MYO16: variants seen among roughly 807,000 people sequenced by gnomAD.
MYO16 encodes the protein myosin XVI.
Under a neutral mutation model 205.3 loss-of-function variants are expected in MYO16, and 94 were observed. That is an observed-to-expected ratio of 0.46 (90% confidence interval 0.39 to 0.54). The LOEUF (loss-of-function observed/expected upper bound fraction) is 0.54. Ranked by LOEUF, MYO16 falls within the 20% of genes least tolerant of loss-of-function variation. MYO16 has a pLI of 0.00. For synonymous variants in MYO16, 988 were observed against 954.0 expected (o/e 1.04, Z -0.66); for missense variants, 2,315 against 2,387.5 (o/e 0.97, Z 0.63).
chr13:109,005,887 TCCCAA>T (rs1461800066), intron 21 of MYO16, among the ~76,000 whole-genome samples: 1 of 152,170 alleles, frequency 6.6e-6, no homozygotes. Context: ...ATTTCCATTC[TCCCAA>T]GTAACTGGAT....
chr13:109,148,709 T>C (rs951898409), intron 32 of MYO16, among the ~76,000 whole-genome samples: 1 of 152,096 alleles, frequency 6.6e-6, no homozygotes, highest in Non-Finnish European at 1.5e-5. Context: ...AAAATGTCAG[T>C]GACGTGGGAA....
intron 9 of MYO16, among the ~76,000 whole-genome samples, chr13:108,828,555 C>T (rs371406051): frequency 3.3e-5 from 5 of 152,104 alleles, no homozygotes; most frequent in Non-Finnish European, 7.4e-5. Context: ...AATAACAGTG[C>T]CTTTGTTACT....
rs905191116 is a variant in MYO16, at chr13:108,735,969, T to C, written c.507+8386T>C. ...TTGAGAAGTGTCTGTTCATGTCCTT[T>C]GCCCACTTTTTGATGGGGTTGTTTG... On this transcript the variant is annotated intron_variant, in intron 4 of 34. Coordinates refer to ENST00000457511, the MANE Select transcript of MYO16 (RefSeq NM_001198950.3). 1.5e-4 allele frequency among the ~76,000 whole-genome samples: 21 copies of C among 139,790 alleles called. 1 individual carries two copies. The highest frequency in any genetic ancestry group is 3.9e-4 in the Admixed American group (5 of 12,980). 91.7% of individuals were successfully genotyped at this position (139,790 alleles called of 152,430 possible). A position where few individuals can be genotyped will look rare whatever the true frequency, so the allele number is the denominator to read the frequency against.
chr13:109,085,430 G>A (rs1888409355), intron 27 of MYO16, among the ~76,000 whole-genome samples: 1 of 152,192 alleles, frequency 6.6e-6, no homozygotes, highest in Non-Finnish European at 1.5e-5. Flanking sequence ...GCCCAGGTCT[G>A]CAGGTAGGGA....
intron 17 of MYO16, among the ~76,000 whole-genome samples, chr13:108,959,710 T>G (rs1883508615): frequency 6.6e-6 from 1 of 152,178 alleles, no homozygotes; most frequent in African/African-American, 2.4e-5. Flanking sequence ...TTCGTAACAG[T>G]GCCTCCAGCT....
chr13:108,888,516 G>A (rs779450334), intron 14 of MYO16, 39 bp downstream of exon 14: 2 of 1,431,634 alleles, frequency 1.4e-6, no homozygotes, highest in Non-Finnish European at 1.9e-6. Context: ...TGTGAATGAA[G>A]ATGTTCAGCC....
intron 27 of MYO16, among the ~76,000 whole-genome samples, chr13:109,095,165 G>T (rs756222923): frequency 6.6e-6 from 1 of 152,200 alleles, no homozygotes; most frequent in Non-Finnish European, 1.5e-5. Context: ...GTCTGGAAAG[G>T]CTCATGTTTA....
chr13:108,859,130 C>T (rs1197813511), intron 11 of MYO16, among the ~76,000 whole-genome samples: 1 of 152,100 alleles, frequency 6.6e-6, no homozygotes, highest in Non-Finnish European at 1.5e-5. Context: ...GTATATTTTT[C>T]TTATTTAGAT....
At chr13:108,521,733 T>C in the MYO16 span, among the ~76,000 whole-genome samples, 1 of 152,196 alleles carries the variant, frequency 6.6e-6, no homozygotes, top group African/African-American at 2.4e-5. Context: ...TGATCTGTTT[T>C]GTAAATAGAA....
chr13:108,772,617 A>G (rs1192432967), intron 4 of MYO16, among the ~76,000 whole-genome samples: 1 of 152,212 alleles, frequency 6.6e-6, no homozygotes, highest in Non-Finnish European at 1.5e-5. Context: ...TCAAGTGCAT[A>G]CTTGGAAAAA....
At chr13:108,917,403 A>G (rs1012598740) in intron 16 of MYO16, among the ~76,000 whole-genome samples, 4 of 152,216 alleles carry the variant, frequency 2.6e-5, no homozygotes, top group African/African-American at 7.2e-5. Context: ...TTTCCCCTGC[A>G]TGGCACTCCA....
the MYO16 span, among the ~76,000 whole-genome samples, chr13:108,536,105 T>G: frequency 6.6e-6 from 1 of 152,100 alleles, no homozygotes; most frequent in Non-Finnish European, 1.5e-5. Flanking sequence ...GATGCGGTAA[T>G]TTTTAAAAAT....
chr13:108,972,953 G>A (rs1884111209), intron 20 of MYO16, among the ~76,000 whole-genome samples: 2 of 151,952 alleles, frequency 1.3e-5, no homozygotes, highest in South Asian at 4.2e-4. Context: ...CCTGAACGAA[G>A]GAACTGGCAT....
intron 32 of MYO16, among the ~76,000 whole-genome samples, chr13:109,143,563 G>C (rs1353923003): frequency 6.6e-6 from 1 of 152,132 alleles, no homozygotes; most frequent in Admixed American, 6.5e-5. Context: ...AAGGAACAAG[G>C]TGAGTTCTTC....
At chr13:108,634,580 C>T (rs1388573438) in intron 1 of MYO16, among the ~76,000 whole-genome samples, 1 of 152,196 alleles carries the variant, frequency 6.6e-6, no homozygotes, top group Admixed American at 6.5e-5. Context: ...TCGACCCTCA[C>T]CTCCTTGTCT....
rs752704268 is a variant in MYO16, at chr13:108,820,381, C to T, written c.912C>T (p.His304=). ...TCCTGATGCATCAGGCAAACCCACA[C>T]CTCGTGAACTGTAATGAGGAGAAGG... ...KLLLMHQANP[H]LVNCNEEKAS... The change falls in exon 8 of 35, where the codon CAC becomes CAT. Residue 304 remains histidine, a synonymous_variant. Coordinates refer to ENST00000457511, the MANE Select transcript of MYO16 (RefSeq NM_001198950.3). The T allele has an allele frequency of 1.2e-6, 2 of 1,607,360 alleles. No individual in the cohort carries two copies. The highest frequency in any genetic ancestry group is 1.7e-6 in the Non-Finnish European group (2 of 1,176,578).
chr13:108,674,846 T>C (rs569194539), intron 2 of MYO16, among the ~76,000 whole-genome samples: 47 of 152,284 alleles, frequency 3.1e-4, no homozygotes, highest in Admixed American at 6.5e-4. Context: ...ATACTTCGGA[T>C]TGTAGAGCAA....
At chr13:108,708,718 G>A (rs1344241505) in intron 2 of MYO16, among the ~76,000 whole-genome samples, 3 of 152,184 alleles carry the variant, frequency 2.0e-5, no homozygotes, top group African/African-American at 7.2e-5. Flanking sequence ...GTGAGAGGAG[G>A]TATAGATTGC....
intron 34 of MYO16, among the ~76,000 whole-genome samples, chr13:109,182,138 A>T (rs1879485612): frequency 1.3e-5 from 2 of 152,132 alleles, no homozygotes; most frequent in South Asian, 4.1e-4. Context: ...AACATAAAGA[A>T]TTTTTGGTTC....
Sources: gnomAD v4.1 joint callset for allele counts (sites outside exome capture counted in the v4.1 genomes callset) on GRCh38, gnomAD v4.1.1 for gene constraint, MANE v1.5 for transcripts, NCBI Gene and HGNC (gene_info 2026-07-23, HGNC 2026-07-21) for gene names.